Variants in CHN1 observed in about 807,000 individuals in gnomAD.
The protein encoded by CHN1 is chimerin 1, also known as N-chimaerin.
CHN1 carries 37 observed loss-of-function variants against 59.5 expected under a neutral mutation model. The ratio of observed to expected loss-of-function variants is 0.62; its 90% CI spans 0.48 to 0.82. The LOEUF is 0.82. Ranked by LOEUF, CHN1 falls within the 40% of genes least tolerant of loss-of-function variation. CHN1 has a pLI of 0.00. For missense variants in CHN1, 469 were observed against 571.0 expected, an observed-to-expected ratio of 0.82 and a Z score of 1.82; for synonymous variants, 206 against 200.4, an observed-to-expected ratio of 1.03 and a Z score of -0.24.
intron 1 of CHN1, among the ~76,000 whole-genome samples, chr2:174,999,533 A>G (rs1021767889): frequency 1.3e-5 from 2 of 152,246 alleles, no homozygotes; most frequent in Admixed American, 1.3e-4. Flanking sequence ...TTATTATACT[A>G]ATGTCATTCC....
At chr2:174,801,165 C>T (rs1684707824) in intron 12 of CHN1, among the ~76,000 whole-genome samples, 1 of 152,216 alleles carries the variant, frequency 6.6e-6, no homozygotes, top group Admixed American at 6.5e-5. Flanking sequence ...AAACATCAAA[C>T]CACAATTAAC....
rs1559019564 is a variant in CHN1 at position 175,004,948 on chromosome 2, G to GTT, written c.-37_-36insAA. 6.6e-7 allele frequency: 1 copy of GTT among 1,523,094 alleles called. No individual in the cohort carries two copies. The highest frequency in any genetic ancestry group is 8.8e-7 in the Non-Finnish European group (1 of 1,138,464). The allele number at this position is 1,523,094 out of a possible 1,614,324, so 94.3% of individuals were successfully genotyped here. On this transcript the variant is annotated 5_prime_UTR_variant, in exon 1 of 13. Coordinates refer to ENST00000409900, the MANE Select transcript of CHN1 (RefSeq NM_001822.7). ...CTCGCCGCCGCCCGCGAGTCCAGGC[G>GTT]CTCCTCCCAGGCGGGCTAGGGATCA...
intron 1 of CHN1, among the ~76,000 whole-genome samples, chr2:174,995,899 A>G (rs1242096247): frequency 1.3e-5 from 2 of 152,226 alleles, no homozygotes; most frequent in Non-Finnish European, 2.9e-5. Flanking sequence ...TATTTTACTT[A>G]ACAGTGGCCC....
At chr2:174,922,115 G>C (rs960227756) in intron 3 of CHN1, among the ~76,000 whole-genome samples, 5 of 152,186 alleles carry the variant, frequency 3.3e-5, no homozygotes, top group African/African-American at 1.2e-4. Flanking sequence ...AGCTACAGAT[G>C]ATGGCTATTC....
chr2:174,835,569 GTTCA>G (rs987295338), intron 7 of CHN1, among the ~76,000 whole-genome samples: 26 of 137,796 alleles, frequency 1.9e-4, no homozygotes, highest in African/African-American at 6.8e-4. Flanking sequence ...CTGATGTTGT[GTTCA>G]TTTTTTTTTT....
At chr2:174,914,435 A>G (rs1030595247) in intron 5 of CHN1, among the ~76,000 whole-genome samples, 2 of 152,198 alleles carry the variant, frequency 1.3e-5, no homozygotes, top group African/African-American at 4.8e-5. Flanking sequence ...TGAGTTATGA[A>G]TATCTTTTCT....
chr2:174,869,449 T>C (rs1393463829), intron 6 of CHN1, among the ~76,000 whole-genome samples: 2 of 152,072 alleles, frequency 1.3e-5, no homozygotes, highest in Admixed American at 1.3e-4. Flanking sequence ...AAAAATAAGA[T>C]GTCACCTGTT....
intron 3 of CHN1, among the ~76,000 whole-genome samples, chr2:174,923,861 G>A (rs1282186808): frequency 1.3e-5 from 2 of 152,156 alleles, no homozygotes; most frequent in South Asian, 4.2e-4. Flanking sequence ...AAATAATTTT[G>A]AATTAAAGGA....
intron 2 of CHN1, among the ~76,000 whole-genome samples, chr2:174,945,863 T>C (rs1689812229): frequency 6.6e-6 from 1 of 152,064 alleles, no homozygotes; most frequent in Non-Finnish European, 1.5e-5. Flanking sequence ...CATAGGGACA[T>C]ATATAGAATA....
At chr2:174,905,896 A>ATTGAAATACCATTC (rs1386297170) in intron 5 of CHN1, among the ~76,000 whole-genome samples, 1 of 152,184 alleles carries the variant, frequency 6.6e-6, no homozygotes, top group Non-Finnish European at 1.5e-5. Flanking sequence ...ATTCAAGAGT[A>ATTGAAATACCATTC]AGGTGCAAAT....
intron 4 of CHN1, chr2:174,915,427 T>C (rs1688818218): frequency 2.7e-6 from 1 of 366,486 alleles, no homozygotes; most frequent in Admixed American, 4.1e-5. Flanking sequence ...AAAATTCACA[T>C]CCATCTAAGG....
chr2:174,872,975 T>C (rs1200020092), intron 6 of CHN1, among the ~76,000 whole-genome samples: 1 of 151,962 alleles, frequency 6.6e-6, no homozygotes, highest in East Asian at 1.9e-4. Flanking sequence ...ACTTGAGACT[T>C]AAGGAGGTTA....
intron 6 of CHN1, among the ~76,000 whole-genome samples, chr2:174,858,979 T>TACACACACACACACAC (rs71407155): frequency 0.018 from 2,568 of 142,438 alleles, 54 homozygotes; most frequent in African/African-American, 0.049. Flanking sequence ...TTTCCTCCTC[T>TACACACACACACACAC]ACACACACAC....
At chr2:174,804,308 G>A (rs1329095562) in intron 11 of CHN1, among the ~76,000 whole-genome samples, 1 of 152,168 alleles carries the variant, frequency 6.6e-6, no homozygotes, top group African/African-American at 2.4e-5. Context: ...AGTAGAGTGA[G>A]TGAAGAGGGG....
chr2:174,963,822 C>A (rs919377040), intron 1 of CHN1, among the ~76,000 whole-genome samples: 3 of 152,038 alleles, frequency 2.0e-5, no homozygotes, highest in African/African-American at 7.3e-5. Flanking sequence ...CTCATGGAGC[C>A]GACTCACAAG....
chr2:174,965,133 A>G (rs974863440), intron 1 of CHN1, among the ~76,000 whole-genome samples: 2 of 152,098 alleles, frequency 1.3e-5, no homozygotes, highest in Admixed American at 1.3e-4. Context: ...ATAGGATTAA[A>G]TTTACTTACA....
intron 6 of CHN1, among the ~76,000 whole-genome samples, chr2:174,858,521 A>G (rs559764514): frequency 6.6e-6 from 1 of 152,074 alleles, no homozygotes; most frequent in African/African-American, 2.4e-5. Context: ...CATACATTTA[A>G]TTTTCTTTGT....
intron 7 of CHN1, among the ~76,000 whole-genome samples, chr2:174,827,046 C>A (rs994615631): frequency 6.6e-6 from 1 of 151,992 alleles, no homozygotes; most frequent in Non-Finnish European, 1.5e-5. Context: ...ATTTGTCTAA[C>A]AGGGTTTAAC....
At chr2:174,910,982 C>T (rs1192495762) in intron 5 of CHN1, among the ~76,000 whole-genome samples, 1 of 151,264 alleles carries the variant, frequency 6.6e-6, no homozygotes, top group African/African-American at 2.4e-5. Flanking sequence ...CATATTAGCT[C>T]TCCACAAGGT....
Sources: gnomAD v4.1 joint callset for allele counts (sites outside exome capture counted in the v4.1 genomes callset) on GRCh38, gnomAD v4.1.1 for gene constraint, MANE v1.5 for transcripts, NCBI Gene and HGNC (gene_info 2026-07-23, HGNC 2026-07-21) for gene names.